ATP2A2: variants seen among roughly 807,000 people sequenced by gnomAD.
ATP2A2 encodes the protein ATPase sarcoplasmic/endoplasmic reticulum Ca2+ transporting 2.
ATP2A2 carries 14 observed loss-of-function variants against 109.3 expected under a neutral mutation model. That is an observed-to-expected ratio of 0.13 (90% confidence interval 0.08 to 0.20). The LOEUF is 0.20. Among genes scored for constraint, ATP2A2 ranks in the 10% least tolerant of loss-of-function variants. The pLI is 1.00. For synonymous variants in ATP2A2, 506 were observed against 490.9 expected, an observed-to-expected ratio of 1.03 and a Z score of -0.41; for missense variants, 657 against 1,321.6, an observed-to-expected ratio of 0.50 and a Z score of 7.80.
intron 11 of ATP2A2, chr12:110,334,374 A>G: frequency 1.8e-6 from 1 of 566,798 alleles, no homozygotes; most frequent in Non-Finnish European, 3.2e-6. Flanking sequence ...CTGGGCCCAC[A>G]GGGGCTGCCT....
At position 110,346,454 on chromosome 12, in the gene ATP2A2, A is replaced by G. The variant is rs1879867763; in HGVS notation, c.3113A>G (p.Asp1038Gly). 4 of 1,614,156 alleles carry G rather than the reference A, an allele frequency of 2.5e-6. No homozygotes were observed. The highest frequency in any genetic ancestry group is 2.2e-5 in the East Asian group (1 of 44,882). The change falls in exon 20 of 20, where the codon GAT becomes GGT. Residue 1038 changes from aspartate (D) to glycine (G), a missense_variant. By Grantham distance (94) the Asp-to-Gly change is moderately conservative. This residue lies in a region of ATP2A2 where 53 missense variants were observed against 61.2 expected (regional missense o/e 0.87). Coordinates refer to ENST00000539276, the MANE Select transcript of ATP2A2 (RefSeq NM_170665.4). ...WVYSTDTNFS[D>G]MFWS ...TATAGCACAGACACTAACTTTAGCG[A>G]TATGTTCTGGTCTTGACTGACAGTT...
In ATP2A2 at chr12:110,346,635, A is replaced by T. The variant is rs1879892165; in HGVS notation, c.*165A>T. On this transcript the variant is annotated 3_prime_UTR_variant, in exon 20 of 20. Transcript: ENST00000539276. ...CTTTTTCTGACTCCAGTGGGGCAAG[A>T]TTTTCCTTTTTTATACACATAATTA... 1.4e-6 allele frequency: 2 copies of T among 1,471,356 alleles called. No individual in the cohort carries two copies. Among genetic ancestry groups the T allele is most frequent in the Admixed American group, 5.1e-5 (2 of 39,424 alleles). The allele number at this position is 1,471,356 out of a possible 1,614,324, so 91.1% of individuals were successfully genotyped here.
chr12:110,287,278 G>C (rs1449679945), intron 3 of ATP2A2, among the ~76,000 whole-genome samples: 1 of 151,978 alleles, frequency 6.6e-6, no homozygotes. Context: ...TTTTGCTTTA[G>C]TATACTTATC....
intron 4 of ATP2A2, among the ~76,000 whole-genome samples, chr12:110,293,570 C>T (rs73206854): frequency 0.15 from 22,598 of 150,670 alleles, 2,455 homozygotes; most frequent in African/African-American, 0.31. Context: ...AACTTACTTA[C>T]TTTTAATAGA....
rs1263576251 is a variant in ATP2A2, at chr12:110,340,214, G to T, written c.1762-445G>T. On this transcript the variant is annotated intron_variant, in intron 13 of 19. Coordinates refer to ENST00000539276, the MANE Select transcript of ATP2A2 (RefSeq NM_170665.4). This position sits in a 1 kb window ranked among gnomAD's most constrained non-coding sequence, Gnocchi z 6.0. ...GAGTTAAAGAATGGTTTGATAACGG[G>T]TGTAGTGGTATTTTTTTTTCTCATA... Among the ~76,000 whole-genome samples, 1 of 152,108 alleles carries T rather than the reference G, an allele frequency of 6.6e-6. No individual in the cohort carries two copies. Among genetic ancestry groups the T allele is most frequent in the Non-Finnish European group, 1.5e-5 (1 of 68,028 alleles).
In ATP2A2 at chr12:110,347,963, G is replaced by A. The variant is rs1165156549; in HGVS notation, c.*1493G>A. ...GTGGCGCCTGCCATGTGACTCGGGCGCAGCATCAGCTGGCTGGAGGTGTGG... is the reference window on the plus strand; with the variant it reads ...GTGGCGCCTGCCATGTGACTCGGGCACAGCATCAGCTGGCTGGAGGTGTGG... On this transcript the variant is annotated 3_prime_UTR_variant, in exon 20 of 20. Coordinates refer to ENST00000539276, the MANE Select transcript of ATP2A2 (RefSeq NM_170665.4). 1.5e-5 allele frequency: 15 copies of A among 988,502 alleles called. No homozygotes were observed. Among genetic ancestry groups the A allele is most frequent in the East Asian group, 1.1e-4 (1 of 8,980 alleles). The allele number at this position is 988,502 out of a possible 1,614,324, so 61.2% of individuals were successfully genotyped here.
intron 3 of ATP2A2, among the ~76,000 whole-genome samples, chr12:110,289,904 C>T (rs778115184): frequency 4.5e-4 from 69 of 152,240 alleles, no homozygotes; most frequent in Non-Finnish European, 7.6e-4. Context: ...TCTCTTTTTA[C>T]CACGTTTATA....
At position 110,348,103 on chromosome 12, in the gene ATP2A2, G is replaced by T; in HGVS notation, c.*1633G>T. ...GCCAGACCAACAGGCTGAAGGAGCT[G>T]TGCAGACTATTGCTAAAATGAGGGT... On this transcript the variant is annotated 3_prime_UTR_variant, in exon 20 of 20. Coordinates refer to ENST00000539276, the MANE Select transcript of ATP2A2 (RefSeq NM_170665.4). 1 of 985,798 alleles carries T rather than the reference G, an allele frequency of 1.0e-6. No homozygotes were observed. The highest frequency in any genetic ancestry group is 1.2e-6 in the Non-Finnish European group (1 of 830,196). 61.1% of individuals were successfully genotyped at this position (985,798 alleles called of 1,614,324 possible).
At chr12:110,318,927 TA>T (rs1221826638) in intron 5 of ATP2A2, among the ~76,000 whole-genome samples, 1 of 152,200 alleles carries the variant, frequency 6.6e-6, no homozygotes, top group Admixed American at 6.5e-5. Flanking sequence ...GTGTGCCTGA[TA>T]GATGAGAAAC....
At chr12:110,335,812 A>G (rs1392794083) in intron 11 of ATP2A2, among the ~76,000 whole-genome samples, 1 of 152,238 alleles carries the variant, frequency 6.6e-6, no homozygotes. Context: ...GACGTAAGTC[A>G]GGCTCTCAAA....
chr12:110,281,936 C>T, intron 1 of ATP2A2, 29 bp downstream of exon 1: 1 of 1,530,540 alleles, frequency 6.5e-7, no homozygotes, highest in Admixed American at 1.9e-5. Flanking sequence ...GCTGCAGGGG[C>T]CCGGCGCGGC....
At position 110,342,795 on chromosome 12, in the gene ATP2A2, C is replaced by T. The variant is rs186394205; in HGVS notation, c.2318+347C>T. Among the ~76,000 whole-genome samples the T allele has an allele frequency of 5.3e-5, 8 of 152,266 alleles. No homozygotes were observed. Among genetic ancestry groups the T allele is most frequent in the African/African-American group, 9.6e-5 (4 of 41,544 alleles). The stretch of plus-strand genomic sequence containing the variant: ...TATTTTTTTGAGACAGTCTCGCTGT[C>T]GCCCAGGCTTCGGGCAGTGGCACGA... On this transcript the variant is annotated intron_variant, in intron 15 of 19. Coordinates refer to ENST00000539276, the MANE Select transcript of ATP2A2 (RefSeq NM_170665.4). The surrounding 1 kb of genome is among the most constrained non-coding windows in gnomAD (Gnocchi z 4.6).
Position 110,350,312 on chromosome 12 carries a change from C to T in ATP2A2, c.*3842C>T, listed in dbSNP as rs1279740404. The T allele has an allele frequency of 1.9e-6, 3 of 1,614,198 alleles. No individual in the cohort carries two copies. Among genetic ancestry groups the T allele is most frequent in the South Asian group, 1.1e-5 (1 of 91,082 alleles). On this transcript the variant is annotated 3_prime_UTR_variant, in exon 20 of 20. Transcript: ENST00000539276. ...TTCAGCAATACTGGAGTAACCGCTT[C>T]CTAAACCATTTTGCAGAAATGTAAG... is the stretch of plus-strand genomic sequence containing the variant.
intron 8 of ATP2A2, chr12:110,330,589 A>G (rs1001863169): frequency 6.6e-6 from 1 of 151,698 alleles, no homozygotes; most frequent in Non-Finnish European, 1.5e-5. Context: ...GTGTAAAGCC[A>G]TGTGTAAAAT....
At chr12:110,334,171 C>A in intron 11 of ATP2A2, 28 bp downstream of exon 11, 2 of 1,612,822 alleles carry the variant, frequency 1.2e-6, no homozygotes, top group South Asian at 1.1e-5. Flanking sequence ...GTTTATTGTT[C>A]ATGCTGCTTA....
In ATP2A2 at chr12:110,282,695, T is replaced by C. The variant is rs553625243; in HGVS notation, c.137-18T>C. The C allele has an allele frequency of 5.0e-6, 8 of 1,614,030 alleles. No homozygotes were observed. The South Asian group carries it at 7.7e-5, about 16-fold the overall frequency. On this transcript the variant is annotated intron_variant, in intron 2 of 19. Coordinates refer to ENST00000539276, the MANE Select transcript of ATP2A2 (RefSeq NM_170665.4). ...ATGGTAAGATGACAGTTAAAACACA[T>C]GTGTTTGTTTCTTACAGGAAAAACC...
At chr12:110,294,269 T>C (rs1193011410) in intron 4 of ATP2A2, among the ~76,000 whole-genome samples, 1 of 152,092 alleles carries the variant, frequency 6.6e-6, no homozygotes, top group East Asian at 1.9e-4. Context: ...GGTCTCGATC[T>C]CCTGACCTTG....
In ATP2A2 at chr12:110,348,016, G is replaced by A; in HGVS notation, c.*1546G>A. ...TTCATAGACCTCCACAGGCTGCCTA[G>A]GACAAGATGACCAGGAGGGCCCAAG... On this transcript the variant is annotated 3_prime_UTR_variant, in exon 20 of 20. Transcript: ENST00000539276. 1 of 987,536 alleles carries A rather than the reference G, an allele frequency of 1.0e-6. No homozygotes were observed. Among genetic ancestry groups the A allele is most frequent in the Non-Finnish European group, 1.2e-6 (1 of 831,390 alleles). The allele number at this position is 987,536 out of a possible 1,614,324, so 61.2% of individuals were successfully genotyped here.
At chr12:110,303,696 G>A (rs1387296194) in intron 5 of ATP2A2, among the ~76,000 whole-genome samples, 1 of 152,046 alleles carries the variant, frequency 6.6e-6, no homozygotes, top group Non-Finnish European at 1.5e-5. Flanking sequence ...TTACAGGCAT[G>A]AGCCACCGCG....
Sources: gnomAD v4.1 joint callset for allele counts (sites outside exome capture counted in the v4.1 genomes callset) on GRCh38, gnomAD v4.1.1 for gene constraint, gnomAD v4.1.1 regional missense constraint, Gnocchi (gnomAD v3.1) non-coding constraint, MANE v1.5 for transcripts, NCBI Gene and HGNC (gene_info 2026-07-23, HGNC 2026-07-21) for gene names.